Variants in DEK observed in about 807,000 individuals in gnomAD.
DEK encodes the protein protein DEK.
DEK carries 28 observed loss-of-function variants against 46.8 expected under a neutral mutation model. The observed-to-expected ratio is 0.60, with a 90% CI of 0.44 to 0.82. The LOEUF (loss-of-function observed/expected upper bound fraction) is 0.82. DEK is among the 40% of genes least tolerant of loss of function. The probability of loss-of-function intolerance (pLI) is 0.00; values close to 1 mark genes in which losing one functional copy is unlikely to be tolerated. For missense variants in DEK, 416 were observed against 430.6 expected, an observed-to-expected ratio of 0.97 and a Z score of 0.30; for synonymous variants, 160 against 144.5, an observed-to-expected ratio of 1.11 and a Z score of -0.77.
chr6:18,245,592 GAAAT>G (rs1421828137), intron 7 of DEK, among the ~76,000 whole-genome samples: 1 of 152,180 alleles, frequency 6.6e-6, no homozygotes, highest in Non-Finnish European at 1.5e-5. Flanking sequence ...AGATGAAAAA[GAAAT>G]AAAATATGCT....
In DEK at chr6:18,225,252, G is replaced by T. The variant is rs41267734; in HGVS notation, c.*467C>A. On this transcript the variant is annotated 3_prime_UTR_variant, in exon 11 of 11. Coordinates refer to ENST00000652689, the MANE Select transcript of DEK (RefSeq NM_003472.4). ...ACTGTAGCTTGTATATTTTTAATAT[G>T]ATGGACACACTGCCGCTGAATTTTC... The T allele has an allele frequency of 6.4e-3, 1,477 of 230,474 alleles. 10 individuals carry two copies. The highest frequency in any genetic ancestry group is 9.6e-3 in the Non-Finnish European group (1,117 of 116,488). 14.3% of individuals were successfully genotyped at this position (230,474 alleles called of 1,614,324 possible). A position where few individuals can be genotyped will look rare whatever the true frequency, so the allele number is the denominator to read the frequency against.
At chr6:18,226,585 C>G (rs1790135076) in intron 9 of DEK, among the ~76,000 whole-genome samples, 1 of 152,190 alleles carries the variant, frequency 6.6e-6, no homozygotes, top group African/African-American at 2.4e-5. Flanking sequence ...TCGAAACCAG[C>G]CTCAGGCAAC....
chr6:18,225,798 T>C (rs1790096840), intron 10 of DEK, 68 bp from the exon 11 acceptor site: 1 of 1,576,280 alleles, frequency 6.3e-7, no homozygotes. Context: ...TCCACATCTA[T>C]TTTACTATTT....
Position 18,232,843 on chromosome 6 carries a change from G to GA in DEK, c.1047+3608dup, listed in dbSNP as rs1249679464. Among the ~76,000 whole-genome samples the GA allele has an allele frequency of 5.9e-5, 9 of 152,176 alleles. 1 individual carries two copies. Among genetic ancestry groups the GA allele is most frequent in the African/African-American group, 1.9e-4 (8 of 41,532 alleles). On this transcript the variant is annotated intron_variant, in intron 9 of 10. Transcript: ENST00000652689. ...ACCAATCACTTTCTTCATAGAACTG[G>GA]AAAAAACTAAAGTTCATATGGAATC...
intron 7 of DEK, among the ~76,000 whole-genome samples, chr6:18,241,833 T>C (rs568101729): frequency 2.6e-5 from 4 of 152,350 alleles, no homozygotes; most frequent in Non-Finnish European, 5.9e-5. Context: ...TAGGCTGGAC[T>C]TGGCATACAG....
intron 9 of DEK, among the ~76,000 whole-genome samples, chr6:18,230,132 T>C (rs1002522285): frequency 6.6e-6 from 1 of 152,086 alleles, no homozygotes; most frequent in African/African-American, 2.4e-5. Context: ...TAAACCAAGC[T>C]TCATAAGTGA....
At chr6:18,237,576 T>A in intron 7 of DEK, 60 bp from the exon 8 acceptor site, 1 of 1,521,674 alleles carries the variant, frequency 6.6e-7, no homozygotes, top group Admixed American at 2.3e-5. Flanking sequence ...TCCCATCCCA[T>A]CCCTCTACTT....
chr6:18,230,445 A>G (rs1441971301), intron 9 of DEK, among the ~76,000 whole-genome samples: 1 of 152,232 alleles, frequency 6.6e-6, no homozygotes, highest in Non-Finnish European at 1.5e-5. Context: ...AACTGGATAA[A>G]GAGTCAAGAC....
In DEK at chr6:18,258,119, A is replaced by G; in HGVS notation, c.248-57T>C. 3 of 1,289,868 alleles carry G rather than the reference A, an allele frequency of 2.3e-6. No individual in the cohort carries two copies. In the South Asian group the frequency reaches 4.0e-5, roughly 17 times the overall value. The allele number at this position is 1,289,868 out of a possible 1,614,324, so 79.9% of individuals were successfully genotyped here. The stretch of plus-strand genomic sequence containing the variant: ...CTATGGCTTACTAATACATTTACAA[A>G]GTTAATTTAATGAGAATTATTTTCA... On this transcript the variant is annotated intron_variant, in intron 3 of 10. Coordinates refer to ENST00000652689, the MANE Select transcript of DEK (RefSeq NM_003472.4).
chr6:18,250,443 T>C (rs978579094), intron 6 of DEK, among the ~76,000 whole-genome samples: 2 of 151,780 alleles, frequency 1.3e-5, no homozygotes, highest in Non-Finnish European at 2.9e-5. Context: ...CAGTCCAGCC[T>C]GGGCAACAGT....
intron 7 of DEK, among the ~76,000 whole-genome samples, chr6:18,245,122 T>G (rs1324381077): frequency 6.6e-6 from 1 of 152,198 alleles, no homozygotes; most frequent in Non-Finnish European, 1.5e-5. Context: ...GCTGATGCCA[T>G]GTATATGGAG....
chr6:18,262,465 AACT>A (rs1489004234), intron 2 of DEK, among the ~76,000 whole-genome samples: 1 of 152,176 alleles, frequency 6.6e-6, no homozygotes, highest in Non-Finnish European at 1.5e-5. Flanking sequence ...GCTACAATAA[AACT>A]ATTAGGGGAT....
intron 6 of DEK, among the ~76,000 whole-genome samples, chr6:18,252,177 T>C (rs538531378): frequency 3.0e-4 from 46 of 152,024 alleles, no homozygotes; most frequent in African/African-American, 1.1e-3. Flanking sequence ...CATTGAGAAA[T>C]TGTTAAAGAG....
chr6:18,228,122 C>G (rs1449960838), intron 9 of DEK, among the ~76,000 whole-genome samples: 1 of 152,190 alleles, frequency 6.6e-6, no homozygotes, highest in Admixed American at 6.5e-5. Context: ...TCAGGGTCAG[C>G]AACTTTTTCT....
chr6:18,234,349 A>C (rs1790557572), intron 9 of DEK, among the ~76,000 whole-genome samples: 1 of 152,146 alleles, frequency 6.6e-6, no homozygotes, highest in African/African-American at 2.4e-5. Flanking sequence ...AAAGTATTAA[A>C]AAAAAGAAAA....
intron 9 of DEK, among the ~76,000 whole-genome samples, chr6:18,230,815 C>A (rs961129087): frequency 1.3e-5 from 2 of 152,170 alleles, no homozygotes; most frequent in African/African-American, 4.8e-5. Context: ...TTAGTCAGAT[C>A]AGTGAGACAG....
At chr6:18,244,375 A>G (rs891607709) in intron 7 of DEK, 10 of 361,706 alleles carry the variant, frequency 2.8e-5, no homozygotes, top group Non-Finnish European at 5.2e-6. Flanking sequence ...TTAAAGGATC[A>G]GTAATACAGA....
chr6:18,256,508 G>A, intron 4 of DEK, 53 bp from the exon 5 acceptor site: 2 of 1,456,858 alleles, frequency 1.4e-6, no homozygotes, highest in Non-Finnish European at 1.9e-6. Flanking sequence ...ATGTACACAA[G>A]AATAAATTCA....
At position 18,234,922 on chromosome 6, in the gene DEK, TCTC is replaced by T. The variant is rs780011717; in HGVS notation, c.1047+1527_1047+1529del. Among the ~76,000 whole-genome samples the T allele has an allele frequency of 7.7e-4, 117 of 152,264 alleles. 1 individual carries two copies. The highest frequency in any genetic ancestry group is 1.2e-3 in the South Asian group (6 of 4,830). On this transcript the variant is annotated intron_variant, in intron 9 of 10. Transcript: ENST00000652689. ...TTGCTTTTACCACCCTATGTCATCG[TCTC>T]CTAATTGCAGACTCCAAAACAGGTC...
Sources: gnomAD v4.1 joint callset for allele counts (sites outside exome capture counted in the v4.1 genomes callset) on GRCh38, gnomAD v4.1.1 for gene constraint, MANE v1.5 for transcripts, NCBI Gene and HGNC (gene_info 2026-07-23, HGNC 2026-07-21) for gene names.